SYN3: variants seen among roughly 807,000 people sequenced by gnomAD.
The protein encoded by SYN3 is synapsin III.
A neutral mutation model predicts 65.8 loss-of-function variants in SYN3; 35 were observed. The ratio of observed to expected loss-of-function variants is 0.53; its 90% CI spans 0.41 to 0.70. The LOEUF (loss-of-function observed/expected upper bound fraction) is 0.70. Ranked by LOEUF, SYN3 falls within the 30% of genes least tolerant of loss-of-function variation. The pLI is 0.00. For synonymous variants in SYN3, 270 were observed against 292.9 expected, an observed-to-expected ratio of 0.92 and a Z score of 0.80; for missense variants, 680 against 749.0, an observed-to-expected ratio of 0.91 and a Z score of 1.08.
intron 7 of SYN3, among the ~76,000 whole-genome samples, chr22:32,558,279 G>A (rs2058532210): frequency 6.6e-6 from 1 of 152,216 alleles, no homozygotes; most frequent in South Asian, 2.1e-4. Flanking sequence ...AACCCTGTAG[G>A]ATATAGCTGA....
chr22:32,952,084 C>T (rs1181176645), intron 3 of SYN3, among the ~76,000 whole-genome samples: 1 of 152,194 alleles, frequency 6.6e-6, no homozygotes, highest in East Asian at 1.9e-4. Context: ...CTCTTTCCCA[C>T]CAGTTCAGAC....
At chr22:33,048,735 A>G (rs542521333) in intron 1 of SYN3, among the ~76,000 whole-genome samples, 1 of 152,308 alleles carries the variant, frequency 6.6e-6, no homozygotes. Flanking sequence ...GAGCCAAATA[A>G]ACCTCTTTTC....
intron 6 of SYN3, among the ~76,000 whole-genome samples, chr22:32,738,803 A>C (rs1459032143): frequency 2.0e-5 from 3 of 152,258 alleles, no homozygotes; most frequent in Non-Finnish European, 4.4e-5. Flanking sequence ...GCTGAAACAC[A>C]AAGTGTGTGA....
At chr22:32,646,235 C>T (rs2059982080) in intron 6 of SYN3, among the ~76,000 whole-genome samples, 1 of 152,180 alleles carries the variant, frequency 6.6e-6, no homozygotes, top group South Asian at 2.1e-4. Context: ...TAGTGATGGA[C>T]ATCTCCATGA....
chr22:32,627,251 G>A (rs1325145456), intron 6 of SYN3, among the ~76,000 whole-genome samples: 1 of 152,162 alleles, frequency 6.6e-6, no homozygotes, highest in Admixed American at 6.5e-5. Context: ...ACACAGGAAG[G>A]GCTGCGTTTT....
Position 32,817,467 on chromosome 22 carries a change from C to T in SYN3, c.711+47448G>A, listed in dbSNP as rs115936508. Reference sequence around the variant, plus strand: ...AAACCCCTTTTGCCCACTTGCCTGCCATTGTGATTGCTGAGTAGGGAAGAA... The same window carrying T: ...AAACCCCTTTTGCCCACTTGCCTGCTATTGTGATTGCTGAGTAGGGAAGAA... On this transcript the variant is annotated intron_variant, in intron 6 of 13. Coordinates refer to ENST00000358763, the MANE Select transcript of SYN3 (RefSeq NM_003490.4). Among the ~76,000 whole-genome samples, 179 of 152,230 alleles carry T rather than the reference C, an allele frequency of 1.2e-3. 1 individual carries two copies. The highest frequency in any genetic ancestry group is 4.1e-3 in the African/African-American group (169 of 41,524).
At chr22:33,033,817 G>C (rs2053799921) in intron 1 of SYN3, among the ~76,000 whole-genome samples, 1 of 152,138 alleles carries the variant, frequency 6.6e-6, no homozygotes, top group Non-Finnish European at 1.5e-5. Context: ...GACTTGTCCA[G>C]GGTCACTCAG....
intron 6 of SYN3, among the ~76,000 whole-genome samples, chr22:32,598,042 G>A (rs1012046613): frequency 2.6e-5 from 4 of 152,164 alleles, no homozygotes; most frequent in Non-Finnish European, 4.4e-5. Flanking sequence ...GAGGGCAAAG[G>A]TTATCCCTCC....
intron 7 of SYN3, among the ~76,000 whole-genome samples, chr22:32,572,527 C>T: frequency 2.7e-5 from 2 of 73,264 alleles, no homozygotes; most frequent in Admixed American, 1.7e-4. Context: ...TCTTTCCTCC[C>T]TTCCTTCTTT....
rs377752271 is a variant in SYN3, at chr22:32,573,101, A to G, written c.774+23573T>C. Among the ~76,000 whole-genome samples the G allele has an allele frequency of 3.4e-4, 52 of 152,344 alleles. No homozygotes were observed. In the South Asian group the frequency reaches 1.0e-2, roughly 29 times the overall value. On this transcript the variant is annotated intron_variant, in intron 7 of 13. Coordinates refer to ENST00000358763, the MANE Select transcript of SYN3 (RefSeq NM_003490.4). ...AAATATTTATACCCCAGAAACTGGC[A>G]AACACAACATATTAGGGTTCCCCCC...
intron 6 of SYN3, among the ~76,000 whole-genome samples, chr22:32,841,873 C>G (rs1040861990): frequency 6.6e-6 from 1 of 152,068 alleles, no homozygotes; most frequent in African/African-American, 2.4e-5. Flanking sequence ...AAAAAAAGTT[C>G]ATGAGAGTTC....
At chr22:32,723,650 G>A (rs2061150259) in intron 6 of SYN3, among the ~76,000 whole-genome samples, 1 of 152,250 alleles carries the variant, frequency 6.6e-6, no homozygotes, top group South Asian at 2.1e-4. Flanking sequence ...TGGAATTTCA[G>A]CTCTGGGCTC....
intron 6 of SYN3, among the ~76,000 whole-genome samples, chr22:32,843,081 A>AT (rs904384506): frequency 2.3e-4 from 33 of 146,040 alleles, no homozygotes; most frequent in Middle Eastern, 3.6e-3. Context: ...GGGACCTCCC[A>AT]TTTTTTTTTT....
chr22:32,801,882 A>G lies in SYN3; in HGVS notation c.711+63033T>C. 1.6e-6 allele frequency: 2 copies of G among 1,289,616 alleles called. No individual in the cohort carries two copies. The highest frequency in any genetic ancestry group is 2.0e-6 in the Non-Finnish European group (2 of 1,015,818). 79.9% of individuals were successfully genotyped at this position (1,289,616 alleles called of 1,614,324 possible). On this transcript the variant is annotated intron_variant, in intron 6 of 13. Transcript: ENST00000358763. The surrounding 1 kb of genome is among the most constrained non-coding windows in gnomAD (Gnocchi z 4.7). ...CTCGGAGGGCAGCGCGCCGGAGGCC[A>G]AGGTTGCCCCGCACGGCCCGGCGGG...
chr22:32,843,746 G>A (rs2047983153), intron 6 of SYN3, among the ~76,000 whole-genome samples: 1 of 152,110 alleles, frequency 6.6e-6, no homozygotes. Flanking sequence ...TGCCTGCTGG[G>A]GTCCCATCAG....
intron 4 of SYN3, among the ~76,000 whole-genome samples, chr22:32,899,319 A>G (rs538416799): frequency 5.3e-5 from 8 of 152,310 alleles, no homozygotes; most frequent in Non-Finnish European, 1.2e-4. Flanking sequence ...AGCACTTACT[A>G]TACACAGGGC....
At chr22:32,750,350 CAGGGCA>C (rs1569194386) in intron 6 of SYN3, among the ~76,000 whole-genome samples, 1 of 152,186 alleles carries the variant, frequency 6.6e-6, no homozygotes, top group Admixed American at 6.5e-5. Context: ...AAGATTGTTT[CAGGGCA>C]AGGGCAAGGG....
intron 7 of SYN3, among the ~76,000 whole-genome samples, chr22:32,550,842 A>T (rs2710378): frequency 0.12 from 17,510 of 152,204 alleles, 1,352 homozygotes; most frequent in African/African-American, 0.22. Flanking sequence ...TGAGTTCAAA[A>T]CATCTTATCA....
intron 3 of SYN3, among the ~76,000 whole-genome samples, chr22:32,964,061 T>C (rs1296825199): frequency 6.6e-6 from 1 of 151,602 alleles, no homozygotes; most frequent in Non-Finnish European, 1.5e-5. Flanking sequence ...AGGGCACCAG[T>C]TCAGTTCCAT....
Sources: gnomAD v4.1 joint callset for allele counts (sites outside exome capture counted in the v4.1 genomes callset) on GRCh38, gnomAD v4.1.1 for gene constraint, Gnocchi (gnomAD v3.1) non-coding constraint, MANE v1.5 for transcripts, NCBI Gene and HGNC (gene_info 2026-07-23, HGNC 2026-07-21) for gene names.